Variants in LARP1B observed in about 807,000 individuals in gnomAD.
The protein encoded by LARP1B is la-related protein 1B.
In LARP1B, 76 loss-of-function variants were observed where a neutral mutation model predicts 114.2. The observed-to-expected ratio is 0.67, with a 90% confidence interval of 0.55 to 0.81. LARP1B has a LOEUF of 0.81. Among genes scored for constraint, LARP1B ranks in the 30% least tolerant of loss-of-function variants. LARP1B has a pLI of 0.00. For synonymous variants in LARP1B, 345 were observed against 348.0 expected, an observed-to-expected ratio of 0.99 and a Z score of 0.10; for missense variants, 1,014 against 1,075.8, an observed-to-expected ratio of 0.94 and a Z score of 0.80.
intron 4 of LARP1B, among the ~76,000 whole-genome samples, chr4:128,079,909 C>T (rs1769585413): frequency 6.6e-6 from 1 of 151,904 alleles, no homozygotes; most frequent in African/African-American, 2.4e-5. Context: ...TCCCTGCTTC[C>T]TACATACGTA....
rs1025760771 is a variant in LARP1B at position 128,210,327 on chromosome 4, T to C, written c.*274T>C. 4.3e-6 allele frequency: 5 copies of C among 1,174,014 alleles called. No homozygotes were observed. The African/African-American group carries it at 7.8e-5, about 18-fold the overall frequency. The allele number at this position is 1,174,014 out of a possible 1,614,324, so 72.7% of individuals were successfully genotyped here. On this transcript the variant is annotated 3_prime_UTR_variant, in exon 20 of 20. Coordinates refer to ENST00000326639, the MANE Select transcript of LARP1B (RefSeq NM_018078.4). ...ATAGAGATCTTCTAGTAATGTATTT[T>C]GATCTCAGATTTCTTTTTCAAAGCC...
chr4:128,183,119 C>G (rs902469169), intron 15 of LARP1B, among the ~76,000 whole-genome samples: 1 of 152,118 alleles, frequency 6.6e-6, no homozygotes, highest in African/African-American at 2.4e-5. Context: ...TAAGGAAGAT[C>G]TAGCTAAGAT....
At position 128,082,319 on chromosome 4, in the gene LARP1B, C is replaced by G. The variant is rs917163049; in HGVS notation, c.358+14C>G. ...ATGATACACGAAGTAAGTTACCATT[C>G]TAAGACAAAAATGACTAAGGAAAGA... On this transcript the variant is annotated intron_variant, in intron 5 of 19. Coordinates refer to ENST00000326639, the MANE Select transcript of LARP1B (RefSeq NM_018078.4). 3 of 1,610,412 alleles carry G rather than the reference C, an allele frequency of 1.9e-6. No individual in the cohort carries two copies. Among genetic ancestry groups the G allele is most frequent in the African/African-American group, 1.3e-5 (1 of 74,792 alleles).
rs568093238 is a variant in LARP1B at position 128,190,390 on chromosome 4, A to G, written c.2004-9049A>G. ...TCTTCTCTTTGTCCTTGACATTTTC[A>G]GGTTTGATTATTATTTGCCTTGGGA... On this transcript the variant is annotated intron_variant, in intron 15 of 19. Coordinates refer to ENST00000326639, the MANE Select transcript of LARP1B (RefSeq NM_018078.4). 3.3e-5 allele frequency among the ~76,000 whole-genome samples: 5 copies of G among 151,682 alleles called. No homozygotes were observed. In the East Asian group the frequency reaches 9.7e-4, roughly 29 times the overall value.
At chr4:128,161,393 G>A (rs936760849) in intron 11 of LARP1B, among the ~76,000 whole-genome samples, 1 of 152,146 alleles carries the variant, frequency 6.6e-6, no homozygotes, top group African/African-American at 2.4e-5. Flanking sequence ...CCAGAGGCAG[G>A]GAGGGGTCTA....
At chr4:128,100,534 A>G (rs996547656) in intron 8 of LARP1B, among the ~76,000 whole-genome samples, 1 of 151,722 alleles carries the variant, frequency 6.6e-6, no homozygotes, top group Admixed American at 6.6e-5. Flanking sequence ...AGCCTCCCAA[A>G]GTGCTGGGAT....
chr4:128,093,063 G>C (rs1299829534), intron 7 of LARP1B: 2 of 984,658 alleles, frequency 2.0e-6, no homozygotes, highest in Non-Finnish European at 2.4e-6. Context: ...AGGACACTGA[G>C]CAAAATGTCA....
At chr4:128,130,046 T>TA (rs1204994310) in intron 11 of LARP1B, among the ~76,000 whole-genome samples, 2 of 152,106 alleles carry the variant, frequency 1.3e-5, no homozygotes, top group East Asian at 3.9e-4. Flanking sequence ...CAGTGAAAGA[T>TA]ACTGTCAAGA....
chr4:128,127,066 A>G (rs1789908172), intron 11 of LARP1B, among the ~76,000 whole-genome samples: 1 of 152,208 alleles, frequency 6.6e-6, no homozygotes, highest in African/African-American at 2.4e-5. Context: ...GTGACAACCA[A>G]TAGACATTGG....
chr4:128,210,564 CA>C lies in LARP1B; in HGVS notation c.*517del, dbSNP rs976973647. 7.4e-5 allele frequency: 70 copies of C among 949,100 alleles called. No individual in the cohort carries two copies. Among genetic ancestry groups the C allele is most frequent in the Admixed American group, 1.2e-4 (2 of 16,490 alleles). The allele number at this position is 949,100 out of a possible 1,614,324, so 58.8% of individuals were successfully genotyped here. On this transcript the variant is annotated 3_prime_UTR_variant, in exon 20 of 20. Transcript: ENST00000326639. Reference sequence around the variant, plus strand: ...GGATTACGTATATGTTTTTTAAATTCAAAAAAGAATATGAAATTATACCTTT... The same window carrying C: ...GGATTACGTATATGTTTTTTAAATTCAAAAAGAATATGAAATTATACCTTT...
rs1755279559 is a variant in LARP1B at position 128,199,577 on chromosome 4, G to C, written c.2142G>C (p.Lys714Asn). 3.8e-6 allele frequency: 6 copies of C among 1,572,278 alleles called. No individual in the cohort carries two copies. The highest frequency in any genetic ancestry group is 5.2e-6 in the Non-Finnish European group (6 of 1,158,032). The change falls in exon 16 of 20, where the codon AAG becomes AAC. Residue 714 changes from lysine (K) to asparagine (N), a missense_variant. Coordinates refer to ENST00000326639, the MANE Select transcript of LARP1B (RefSeq NM_018078.4). ...ENGFTQQVYH[K>N]YRRRCLSERK... Reference sequence around the variant, plus strand: ...GCTTTACCCAACAAGTGTACCACAAGTATCGTCGAAGATGCCTAAGTGGTA... The same window carrying C: ...GCTTTACCCAACAAGTGTACCACAACTATCGTCGAAGATGCCTAAGTGGTA...
At chr4:128,100,766 T>C (rs980837097) in intron 8 of LARP1B, among the ~76,000 whole-genome samples, 1 of 152,020 alleles carries the variant, frequency 6.6e-6, no homozygotes, top group Admixed American at 6.6e-5. Context: ...TTTGCAAATA[T>C]TTTTTCCTAG....
At chr4:128,144,021 G>A (rs1729272677) in intron 11 of LARP1B, among the ~76,000 whole-genome samples, 1 of 152,080 alleles carries the variant, frequency 6.6e-6, no homozygotes. Flanking sequence ...TTTCGAACTA[G>A]GTGATTCTTT....
In LARP1B at chr4:128,098,307, A is replaced by T; in HGVS notation, c.790A>T (p.Thr264Ser). The T allele has an allele frequency of 6.2e-7, 1 of 1,613,622 alleles. No homozygotes were observed. Among genetic ancestry groups the T allele is most frequent in the Non-Finnish European group, 8.5e-7 (1 of 1,179,724 alleles). Residue 264 changes from threonine (T) to serine (S), a missense_variant, in exon 8 of 20, where the codon ACA (threonine) becomes TCA (serine). Transcript: ENST00000326639. ...TTTTCAGCGTGTTCAGGCTCTCACTACAAACCTTAATCTCATCTTAGAGGT... is the reference window on the plus strand; with the variant it reads ...TTTTCAGCGTGTTCAGGCTCTCACTTCAAACCTTAATCTCATCTTAGAGGT... ...AGFQRVQALT[T>S]NLNLILEALK...
At position 128,210,103 on chromosome 4, in the gene LARP1B, A is replaced by G. The variant is rs1397190986; in HGVS notation, c.*50A>G. The G allele has an allele frequency of 6.2e-7, 1 of 1,611,090 alleles. No individual in the cohort carries two copies. Among genetic ancestry groups the G allele is most frequent in the East Asian group, 2.2e-5 (1 of 44,824 alleles). ...CTCAAGAAATGGTGAAATGCCTGAGAAATAGACTCTTATGAAAGTTCTTTG... is the reference window on the plus strand; with the variant it reads ...CTCAAGAAATGGTGAAATGCCTGAGGAATAGACTCTTATGAAAGTTCTTTG... On this transcript the variant is annotated 3_prime_UTR_variant, in exon 20 of 20. Coordinates refer to ENST00000326639, the MANE Select transcript of LARP1B (RefSeq NM_018078.4).
At chr4:128,219,333 G>A in intron 6 of LARP1B, among the ~76,000 whole-genome samples, 1 of 96,010 alleles carries the variant, frequency 1.0e-5, no homozygotes, top group Admixed American at 1.2e-4. Flanking sequence ...CTGCTATAAA[G>A]ACACATGCAC....
intron 15 of LARP1B, among the ~76,000 whole-genome samples, chr4:128,183,684 A>G (rs541417256): frequency 3.4e-4 from 52 of 152,302 alleles, no homozygotes; most frequent in Non-Finnish European, 6.2e-4. Flanking sequence ...ATATTCATAT[A>G]TAGTATATTC....
chr4:128,132,391 C>T lies in LARP1B; in HGVS notation c.1524+10203C>T, dbSNP rs189025255. ...TCCCAAGTAGCTGGGATTACAGGCA[C>T]GCCCCACCACGCTTGGCTAATTTTT... is the stretch of plus-strand genomic sequence containing the variant. On this transcript the variant is annotated intron_variant, in intron 11 of 19. Transcript: ENST00000326639. 1.6e-4 allele frequency among the ~76,000 whole-genome samples: 25 copies of T among 152,008 alleles called. No homozygotes were observed. In the East Asian group the frequency reaches 3.3e-3, roughly 20 times the overall value.
At chr4:128,087,693 A>G (rs1774186094) in intron 5 of LARP1B, among the ~76,000 whole-genome samples, 2 of 152,170 alleles carry the variant, frequency 1.3e-5, no homozygotes, top group South Asian at 4.1e-4. Flanking sequence ...AATTTTTCTC[A>G]ATTGTCCACA....
Sources: gnomAD v4.1 joint callset for allele counts (sites outside exome capture counted in the v4.1 genomes callset) on GRCh38, gnomAD v4.1.1 for gene constraint, MANE v1.5 for transcripts, NCBI Gene and HGNC (gene_info 2026-07-23, HGNC 2026-07-21) for gene names.